Variants in DIP2C observed in about 807,000 individuals in gnomAD.
DIP2C encodes DIP2 acetate--CoA ligase C (putative).
In DIP2C, 33 loss-of-function variants were observed where a neutral mutation model predicts 192.4. The ratio of observed to expected loss-of-function variants is 0.17; its 90% CI spans 0.13 to 0.23. The LOEUF (loss-of-function observed/expected upper bound fraction) is 0.23, where lower values mean the gene tolerates loss of function less well. DIP2C is among the 10% of genes least tolerant of loss of function. The probability of loss-of-function intolerance (pLI) is 1.00; values close to 1 mark genes in which losing one functional copy is unlikely to be tolerated. For synonymous variants in DIP2C, 979 were observed against 864.1 expected, an observed-to-expected ratio of 1.13 and a Z score of -2.33; for missense variants, 1,537 against 2,110.1, an observed-to-expected ratio of 0.73 and a Z score of 5.32.
At chr10:606,381 G>A (rs990324398) in intron 1 of DIP2C, among the ~76,000 whole-genome samples, 1 of 151,344 alleles carries the variant, frequency 6.6e-6, no homozygotes, top group Non-Finnish European at 1.5e-5. Context: ...GGTTGGGAGG[G>A]GATCTCACGG....
chr10:447,014 T>C (rs1396147448), intron 3 of DIP2C, among the ~76,000 whole-genome samples: 1 of 152,242 alleles, frequency 6.6e-6, no homozygotes, highest in African/African-American at 2.4e-5. Flanking sequence ...CTTCGGCATC[T>C]ATATGTCAAG....
chr10:574,566 G>C (rs1211682269), intron 1 of DIP2C, among the ~76,000 whole-genome samples: 2 of 152,184 alleles, frequency 1.3e-5, no homozygotes, highest in African/African-American at 4.8e-5. Context: ...CCACAGTCCA[G>C]GAAAGAACAG....
intron 1 of DIP2C, among the ~76,000 whole-genome samples, chr10:599,944 C>T (rs1413977579): frequency 6.6e-6 from 1 of 152,152 alleles, no homozygotes; most frequent in Non-Finnish European, 1.5e-5. Context: ...CCTCAAGAGG[C>T]CGGGTGTGCA....
rs374450903 is a variant in DIP2C, at chr10:329,550, G to C, written c.3636C>G (p.Thr1212=). 1.2e-6 allele frequency: 2 copies of C among 1,614,100 alleles called. No homozygotes were observed. The highest frequency in any genetic ancestry group is 1.7e-6 in the Non-Finnish European group (2 of 1,180,046). Residue 1212 remains threonine (T), a synonymous_variant, in exon 30 of 37, where the codon ACC becomes ACG. Coordinates refer to ENST00000280886, the MANE Select transcript of DIP2C (RefSeq NM_014974.3). ...CGGCAAGAAGCCACAAGGCGGGGTTGGTTTCCAGCTCAGAGGGCGGGATCA... is the reference window on the plus strand; with the variant it reads ...CGGCAAGAAGCCACAAGGCGGGGTTCGTTTCCAGCTCAGAGGGCGGGATCA... ...SILIPPSELE[T]NPALWLLAVS...
intron 1 of DIP2C, among the ~76,000 whole-genome samples, chr10:582,087 A>AT (rs1473568845): frequency 6.6e-6 from 1 of 152,092 alleles, no homozygotes; most frequent in Non-Finnish European, 1.5e-5. Flanking sequence ...TGAGAATCTA[A>AT]TGCTGCCACT....
chr10:672,697 T>C (rs1830709563), intron 1 of DIP2C, among the ~76,000 whole-genome samples: 1 of 152,238 alleles, frequency 6.6e-6, no homozygotes, highest in African/African-American at 2.4e-5. Flanking sequence ...CCTGTAGAAA[T>C]GCCACAGAGG....
chr10:589,691 A>G (rs1342066506), intron 1 of DIP2C, among the ~76,000 whole-genome samples: 1 of 152,174 alleles, frequency 6.6e-6, no homozygotes, highest in African/African-American at 2.4e-5. Flanking sequence ...CTTTGTGAAA[A>G]AAGTAATTCT....
intron 1 of DIP2C, among the ~76,000 whole-genome samples, chr10:513,338 C>G (rs1416329760): frequency 6.6e-6 from 1 of 152,340 alleles, no homozygotes; most frequent in African/African-American, 2.4e-5. Flanking sequence ...TTTGTTGGAC[C>G]ATGTAAGCCA....
At chr10:648,772 A>T (rs1379802168) in intron 1 of DIP2C, among the ~76,000 whole-genome samples, 2 of 149,538 alleles carry the variant, frequency 1.3e-5, no homozygotes, top group Non-Finnish European at 3.0e-5. Context: ...AGGGAAACTG[A>T]GTCCACGTCC....
chr10:508,309 TG>T (rs1195819190), intron 1 of DIP2C, among the ~76,000 whole-genome samples: 4 of 152,306 alleles, frequency 2.6e-5, no homozygotes, highest in Non-Finnish European at 5.9e-5. Flanking sequence ...CCGTGCAGCC[TG>T]GGCGCAGATC....
At chr10:411,201 G>A (rs958831214) in intron 8 of DIP2C, among the ~76,000 whole-genome samples, 7 of 152,296 alleles carry the variant, frequency 4.6e-5, no homozygotes, top group South Asian at 4.2e-4. Flanking sequence ...TAAATAAAAC[G>A]TTAAAAGGGA....
intron 1 of DIP2C, among the ~76,000 whole-genome samples, chr10:498,337 T>C (rs1235717119): frequency 6.6e-6 from 1 of 152,202 alleles, no homozygotes. Context: ...GACTGGGCTC[T>C]AACAGGAGAT....
chr10:381,180 G>A (rs1222583322), intron 17 of DIP2C, among the ~76,000 whole-genome samples: 1 of 152,134 alleles, frequency 6.6e-6, no homozygotes, highest in Non-Finnish European at 1.5e-5. Flanking sequence ...CAGGAAATTA[G>A]GGAGTCCAAC....
Position 364,572 on chromosome 10 carries a change from A to C in DIP2C, c.2279T>G (p.Met760Arg). 2 of 1,613,810 alleles carry C rather than the reference A, an allele frequency of 1.2e-6. No homozygotes were observed. The highest frequency in any genetic ancestry group is 1.7e-6 in the Non-Finnish European group (2 of 1,179,746). ...ACTGATCGGAGCCCCGGAGCTTGTC[A>C]TGGGAAACACCTGGGGGAAACAGCA... ...MTKNTFEVFPMTSSGAPISEY... is the reference protein window; with the variant it reads ...MTKNTFEVFPRTSSGAPISEY... The change falls in exon 20 of 37, where the codon ATG becomes AGG. Residue 760 changes from methionine (M) to arginine (R), a missense_variant. Physicochemically the swap from Met to Arg is moderately conservative, Grantham distance 91. Coordinates refer to ENST00000280886, the MANE Select transcript of DIP2C (RefSeq NM_014974.3).
intron 29 of DIP2C, among the ~76,000 whole-genome samples, chr10:329,921 T>A (rs558661823): frequency 1.3e-5 from 2 of 152,066 alleles, no homozygotes; most frequent in East Asian, 3.9e-4. Flanking sequence ...TCTTTCTTAG[T>A]AGAAAACACA....
rs865819254 is a variant in DIP2C, at chr10:338,422, C to T, written c.3584+2777G>A. Among the ~76,000 whole-genome samples, 4 of 138,548 alleles carry T rather than the reference C, an allele frequency of 2.9e-5. No homozygotes were observed. The East Asian group carries it at 5.9e-4, about 20-fold the overall frequency. The allele number at this position is 138,548 out of a possible 152,430, so 90.9% of individuals were successfully genotyped here. ...CTCCAGTCATGGGAAATGCCCTACA[C>T]AGTTTTTTTTTTTTTTTCCCACCTT... On this transcript the variant is annotated intron_variant, in intron 29 of 36. Coordinates refer to ENST00000280886, the MANE Select transcript of DIP2C (RefSeq NM_014974.3).
chr10:348,822 C>A (rs1262427746), intron 25 of DIP2C, 60 bp from the exon 26 acceptor site: 1 of 1,590,024 alleles, frequency 6.3e-7, no homozygotes, highest in Non-Finnish European at 8.5e-7. Flanking sequence ...GCACACTCTC[C>A]CTGTCAGCAT....
At chr10:509,239 G>A (rs541102692) in intron 1 of DIP2C, among the ~76,000 whole-genome samples, 1 of 152,286 alleles carries the variant, frequency 6.6e-6, no homozygotes, top group African/African-American at 2.4e-5. Flanking sequence ...GGAGACTGAA[G>A]GAAAACCCGT....
chr10:573,845 G>C (rs916339925), intron 1 of DIP2C, among the ~76,000 whole-genome samples: 4 of 152,066 alleles, frequency 2.6e-5, no homozygotes, highest in African/African-American at 9.7e-5. Flanking sequence ...CAAATGAAAT[G>C]CCAAGAATAA....
Sources: allele counts gnomAD v4.1 joint callset (sites outside exome capture counted in the v4.1 genomes callset), GRCh38; gene constraint gnomAD v4.1.1; transcripts MANE v1.5; gene names NCBI Gene and HGNC (gene_info 2026-07-23, HGNC 2026-07-21).